BORCS5: variants seen among roughly 807,000 people sequenced by gnomAD.
The protein encoded by BORCS5 is BLOC-1-related complex subunit 5.
Under a neutral mutation model 22.1 loss-of-function variants are expected in BORCS5, and 17 were observed. The ratio of observed to expected loss-of-function variants is 0.77; its 90% CI spans 0.53 to 1.15. BORCS5 has a LOEUF of 1.15. Among genes scored for constraint, BORCS5 ranks in the 50% most tolerant of loss-of-function variants. The pLI, the probability that BORCS5 is intolerant of heterozygous loss-of-function variation, is 0.00. For missense variants in BORCS5, 247 were observed against 253.2 expected (o/e 0.98, Z 0.17); for synonymous variants, 117 against 99.8 (o/e 1.17, Z -1.03).
At chr12:12,371,570 A>G (rs1029502099) in intron 2 of BORCS5, among the ~76,000 whole-genome samples, 2 of 152,230 alleles carry the variant, frequency 1.3e-5, no homozygotes, top group Admixed American at 6.5e-5. Flanking sequence ...CTGGGATTGC[A>G]GGCATGAGCC....
chr12:12,389,614 G>C (rs902738862), intron 2 of BORCS5, among the ~76,000 whole-genome samples: 1 of 151,738 alleles, frequency 6.6e-6, no homozygotes. Context: ...AAGATCTCAA[G>C]CAGCCTTTAT....
At chr12:12,428,878 G>A (rs2136115913) in intron 2 of BORCS5, among the ~76,000 whole-genome samples, 1 of 151,880 alleles carries the variant, frequency 6.6e-6, no homozygotes, top group East Asian at 1.9e-4. Flanking sequence ...CATAATAAAG[G>A]GTAAAGCAGA....
At chr12:12,440,614 A>AAAC (rs1555156354) in intron 3 of BORCS5, among the ~76,000 whole-genome samples, 11 of 151,854 alleles carry the variant, frequency 7.2e-5, no homozygotes, top group African/African-American at 2.7e-4. Context: ...TGAAAAAAAA[A>AAAC]AAAAAACCAG....
rs533023534 is a variant in BORCS5 at position 12,465,606 on chromosome 12, A to G, written c.421A>G (p.Lys141Glu). Reference protein sequence around the residue: ...FMQERQKRYAKYAEQIQKVNE... With the variant: ...FMQERQKRYAEYAEQIQKVNE... ...GCAGGAGCGCCAGAAAAGATACGCC[A>G]AGTATGCCGAGCAGATCCAGAAAGT... The change falls in exon 4 of 4, where the codon AAG becomes GAG. Residue 141 changes from lysine to glutamate, a missense_variant. Physicochemically the swap from Lys to Glu is moderately conservative, Grantham distance 56. Transcript: ENST00000314565. 1 of 1,614,262 alleles carries G rather than the reference A, an allele frequency of 6.2e-7. No individual in the cohort carries two copies. Among genetic ancestry groups the G allele is most frequent in the African/African-American group, 1.3e-5 (1 of 75,080 alleles).
rs150117534 is a variant in BORCS5 at position 12,394,424 on chromosome 12, C to G, written c.202+33075C>G. Among the ~76,000 whole-genome samples the G allele has an allele frequency of 2.9e-4, 44 of 152,120 alleles. 1 individual carries two copies. Among genetic ancestry groups the G allele is most frequent in the African/African-American group, 1.1e-3 (44 of 41,428 alleles). ...ACAGGAATTAATACATGGGATTTAA[C>G]TATTTTGGTGACCTGTAGGCCATTT... On this transcript the variant is annotated intron_variant, in intron 2 of 3. Transcript: ENST00000314565.
intron 2 of BORCS5, among the ~76,000 whole-genome samples, chr12:12,409,692 G>A (rs1366436311): frequency 6.6e-6 from 1 of 152,116 alleles, no homozygotes; most frequent in African/African-American, 2.4e-5. Flanking sequence ...ATAAACATAC[G>A]TGTTCATGTG....
In BORCS5 at chr12:12,420,902, A is replaced by G. The variant is rs543590520; in HGVS notation, c.203-14726A>G. On this transcript the variant is annotated intron_variant, in intron 2 of 3. Coordinates refer to ENST00000314565, the MANE Select transcript of BORCS5 (RefSeq NM_058169.6). ...TGTGATTTTTGCACACTGATTTTGTATCCTGAGACTTTGCTGAAGTTGCTT... is the reference window on the plus strand; with the variant it reads ...TGTGATTTTTGCACACTGATTTTGTGTCCTGAGACTTTGCTGAAGTTGCTT... 2.0e-5 allele frequency among the ~76,000 whole-genome samples: 3 copies of G among 152,296 alleles called. No individual in the cohort carries two copies. In the East Asian group the frequency reaches 5.8e-4, roughly 29 times the overall value.
chr12:12,411,626 A>G (rs1014173561), intron 2 of BORCS5, among the ~76,000 whole-genome samples: 1 of 152,100 alleles, frequency 6.6e-6, no homozygotes, highest in Non-Finnish European at 1.5e-5. Context: ...TGTCCAATCT[A>G]TCTTTTTTTG....
At chr12:12,402,065 C>CAAAAA (rs550592058) in intron 2 of BORCS5, among the ~76,000 whole-genome samples, 7 of 94,338 alleles carry the variant, frequency 7.4e-5, no homozygotes, top group African/African-American at 1.4e-4. Context: ...GACTCCGTCT[C>CAAAAA]AAAAAAAAAA....
intron 3 of BORCS5, among the ~76,000 whole-genome samples, chr12:12,441,375 C>T (rs904555237): frequency 3.9e-5 from 6 of 152,182 alleles, no homozygotes; most frequent in Admixed American, 6.5e-5. Flanking sequence ...CTCTGACTAC[C>T]TGTGTGACCT....
chr12:12,431,192 CCT>C (rs1336009128), intron 2 of BORCS5, among the ~76,000 whole-genome samples: 1 of 152,176 alleles, frequency 6.6e-6, no homozygotes, highest in Non-Finnish European at 1.5e-5. Flanking sequence ...AGCAGCAAAA[CCT>C]CTTTCCTCAC....
intron 2 of BORCS5, among the ~76,000 whole-genome samples, chr12:12,434,573 C>T (rs1307122305): frequency 6.6e-6 from 1 of 152,194 alleles, no homozygotes; most frequent in East Asian, 1.9e-4. Context: ...AGATTAAATG[C>T]AGAAGCAGCT....
At chr12:12,410,437 C>T (rs1316875673) in intron 2 of BORCS5, among the ~76,000 whole-genome samples, 2 of 152,184 alleles carry the variant, frequency 1.3e-5, no homozygotes, top group Admixed American at 6.5e-5. Context: ...TTTCAGCTTT[C>T]TACATATGGC....
chr12:12,393,182 C>A (rs1451086640), intron 2 of BORCS5, among the ~76,000 whole-genome samples: 1 of 151,996 alleles, frequency 6.6e-6, no homozygotes, highest in Non-Finnish European at 1.5e-5. Flanking sequence ...TTGCAGTGAG[C>A]CGAGATTGTG....
rs553979265 is a variant in BORCS5, at chr12:12,468,385, A to G, written c.*2609A>G. 2.6e-5 allele frequency: 4 copies of G among 152,136 alleles called. No homozygotes were observed. Among genetic ancestry groups the G allele is most frequent in the East Asian group, 1.9e-4 (1 of 5,200 alleles). The allele number at this position is 152,136 out of a possible 1,614,324, so 9.4% of individuals were successfully genotyped here. A position where few individuals can be genotyped will look rare whatever the true frequency, so the allele number is the denominator to read the frequency against. ...TTTGTTGGTTAATACCCCATGACCT[A>G]TCTGGCCGTTATGGGATATTTCAGG... On this transcript the variant is annotated 3_prime_UTR_variant, in exon 4 of 4. Coordinates refer to ENST00000314565, the MANE Select transcript of BORCS5 (RefSeq NM_058169.6).
At chr12:12,431,739 T>C (rs1942434104) in intron 2 of BORCS5, among the ~76,000 whole-genome samples, 1 of 151,750 alleles carries the variant, frequency 6.6e-6, no homozygotes, top group African/African-American at 2.4e-5. Context: ...TTTTCTTGTT[T>C]TTTTAGAGAT....
intron 3 of BORCS5, among the ~76,000 whole-genome samples, chr12:12,445,383 G>C (rs1354952181): frequency 6.6e-6 from 1 of 151,756 alleles, no homozygotes; most frequent in South Asian, 2.1e-4. Context: ...AAGGTAACAT[G>C]ACAGTGACTT....
At chr12:12,437,738 A>G (rs1211040717) in intron 3 of BORCS5, among the ~76,000 whole-genome samples, 1 of 152,212 alleles carries the variant, frequency 6.6e-6, no homozygotes, top group Non-Finnish European at 1.5e-5. Context: ...TCTTTGGGAA[A>G]TGCTATTGTA....
intron 2 of BORCS5, among the ~76,000 whole-genome samples, chr12:12,397,800 T>C (rs556204633): frequency 1.2e-4 from 19 of 152,336 alleles, no homozygotes; most frequent in Non-Finnish European, 2.8e-4. Flanking sequence ...AGTAGTGTAA[T>C]ATGTCTGTCC....
Sources: gnomAD v4.1 joint callset for allele counts (sites outside exome capture counted in the v4.1 genomes callset) on GRCh38, gnomAD v4.1.1 for gene constraint, MANE v1.5 for transcripts, NCBI Gene and HGNC (gene_info 2026-07-23, HGNC 2026-07-21) for gene names.